The following BICDL1 variants were observed in gnomAD, a reference collection of about 807,000 sequenced individuals.
BICDL1 encodes BICD family-like cargo adapter 1.
In BICDL1, 20 loss-of-function variants were observed where a neutral mutation model predicts 76.8. The ratio of observed to expected loss-of-function variants is 0.26; its 90% CI spans 0.18 to 0.38. BICDL1 has a LOEUF of 0.38. Among genes scored for constraint, BICDL1 ranks in the 10% least tolerant of loss-of-function variants. BICDL1 has a pLI of 1.00. For synonymous variants in BICDL1, 383 were observed against 337.1 expected (o/e 1.14, Z -1.49); for missense variants, 700 against 798.6 (o/e 0.88, Z 1.49).
chr12:120,037,824 C>T (rs1339738659), intron 2 of BICDL1, among the ~76,000 whole-genome samples: 1 of 152,176 alleles, frequency 6.6e-6, no homozygotes, highest in Non-Finnish European at 1.5e-5. Context: ...TTAACAGACT[C>T]GTCCTTTGAC....
intron 2 of BICDL1, among the ~76,000 whole-genome samples, chr12:120,013,010 C>T (rs1469538136): frequency 1.3e-5 from 2 of 152,082 alleles, no homozygotes; most frequent in African/African-American, 2.4e-5. Context: ...CTTAATTTAT[C>T]TAAGTTATAA....
intron 2 of BICDL1, among the ~76,000 whole-genome samples, chr12:120,032,048 C>T (rs993683031): frequency 2.6e-5 from 4 of 152,320 alleles, no homozygotes; most frequent in Admixed American, 1.3e-4. Flanking sequence ...GCTATGATCA[C>T]ACTACTGCAC....
intron 3 of BICDL1, among the ~76,000 whole-genome samples, chr12:120,062,970 G>A (rs572520622): frequency 6.6e-6 from 1 of 152,296 alleles, no homozygotes; most frequent in South Asian, 2.1e-4. Context: ...AAGTTTCAGG[G>A]TGTATAGCGC....
chr12:120,054,977 A>C (rs946680943), intron 2 of BICDL1, among the ~76,000 whole-genome samples: 8 of 152,226 alleles, frequency 5.3e-5, no homozygotes, highest in Non-Finnish European at 1.2e-4. Context: ...ATATATGTAG[A>C]AAGATTGGGG....
Position 120,032,809 on chromosome 12 carries a change from C to T in BICDL1, c.646-28901C>T, listed in dbSNP as rs983603074. On this transcript the variant is annotated intron_variant, in intron 2 of 9. Transcript: ENST00000548673. ...GTCACCCAGGCTGGAGTCAGTGGCACGATCTTGGCTCACTGCAACTTCCGC... is the reference window on the plus strand; with the variant it reads ...GTCACCCAGGCTGGAGTCAGTGGCATGATCTTGGCTCACTGCAACTTCCGC... 5.6e-4 allele frequency among the ~76,000 whole-genome samples: 83 copies of T among 147,126 alleles called. 1 individual carries two copies. The highest frequency in any genetic ancestry group is 2.1e-4 in the Non-Finnish European group (14 of 67,510).
Position 120,089,965 on chromosome 12 carries a change from A to G in BICDL1, c.1598A>G (p.Glu533Gly), listed in dbSNP as rs756910660. Residue 533 changes from glutamate to glycine, a missense_variant, in exon 9 of 10, where the codon GAG becomes GGG. Physicochemically the swap from Glu to Gly is moderately conservative, Grantham distance 98. Transcript: ENST00000548673. The part of the protein sequence containing the change: ...DEAIAKKNAV[E>G]LELAKCRMDM... Reference sequence around the variant, plus strand: ...TCTGTTCTCAGGAAGAATGCTGTGGAGCTGGAACTTGCCAAGTGCAGGATG... The same window carrying G: ...TCTGTTCTCAGGAAGAATGCTGTGGGGCTGGAACTTGCCAAGTGCAGGATG... 6.2e-7 allele frequency: 1 copy of G among 1,614,108 alleles called. No homozygotes were observed. The highest frequency in any genetic ancestry group is 1.1e-5 in the South Asian group (1 of 91,084).
chr12:119,994,844 CAG>C, intron 1 of BICDL1, among the ~76,000 whole-genome samples: 1 of 152,278 alleles, frequency 6.6e-6, no homozygotes, highest in Non-Finnish European at 1.5e-5. Context: ...AAAGATAGTA[CAG>C]AGAGTTTGCA....
At chr12:120,035,335 CAATA>C (rs1157516375) in intron 2 of BICDL1, among the ~76,000 whole-genome samples, 5 of 152,100 alleles carry the variant, frequency 3.3e-5, no homozygotes, top group Non-Finnish European at 7.3e-5. Context: ...GACTCCATCT[CAATA>C]AATAAATAAA....
At chr12:120,001,270 A>G (rs1298134876) in intron 2 of BICDL1, among the ~76,000 whole-genome samples, 1 of 151,990 alleles carries the variant, frequency 6.6e-6, no homozygotes, top group East Asian at 1.9e-4. Context: ...TTTTTGAGAC[A>G]GAGTCTTGCT....
chr12:120,032,258 G>C (rs1208104849), intron 2 of BICDL1, among the ~76,000 whole-genome samples: 1 of 152,170 alleles, frequency 6.6e-6, no homozygotes, highest in Non-Finnish European at 1.5e-5. Flanking sequence ...GTGATGAATT[G>C]GGTAGCTTTG....
At chr12:120,059,760 G>A (rs1337518752) in intron 2 of BICDL1, among the ~76,000 whole-genome samples, 1 of 151,986 alleles carries the variant, frequency 6.6e-6, no homozygotes, top group Non-Finnish European at 1.5e-5. Context: ...CAAGGCTGTA[G>A]TGCAGTGGCA....
intron 2 of BICDL1, among the ~76,000 whole-genome samples, chr12:120,049,700 T>G (rs1340817369): frequency 6.6e-6 from 1 of 152,232 alleles, no homozygotes; most frequent in Non-Finnish European, 1.5e-5. Context: ...CTCTGTCCTT[T>G]CTGGAACTGC....
intron 2 of BICDL1, among the ~76,000 whole-genome samples, chr12:120,031,529 A>T (rs147662939): frequency 6.6e-6 from 1 of 152,178 alleles, no homozygotes; most frequent in African/African-American, 2.4e-5. Context: ...GTATTCATCA[A>T]TCACTTCATT....
intron 7 of BICDL1, among the ~76,000 whole-genome samples, chr12:120,075,990 C>G (rs1355187867): frequency 6.6e-6 from 1 of 152,230 alleles, no homozygotes; most frequent in Non-Finnish European, 1.5e-5. Flanking sequence ...GAAACCCCAT[C>G]TCTACTAAAA....
At chr12:119,994,256 C>G (rs965106384) in intron 1 of BICDL1, among the ~76,000 whole-genome samples, 1 of 152,094 alleles carries the variant, frequency 6.6e-6, no homozygotes, top group Admixed American at 6.6e-5. Flanking sequence ...AAAATGAATA[C>G]ATAATGGGAG....
intron 2 of BICDL1, among the ~76,000 whole-genome samples, chr12:120,040,977 C>T (rs1189310536): frequency 1.3e-5 from 2 of 152,094 alleles, no homozygotes; most frequent in South Asian, 2.1e-4. Flanking sequence ...AAACTCCTGA[C>T]CTCAAGTCAT....
intron 8 of BICDL1, among the ~76,000 whole-genome samples, chr12:120,084,640 G>A (rs1346881769): frequency 6.6e-6 from 1 of 152,118 alleles, no homozygotes; most frequent in African/African-American, 2.4e-5. Flanking sequence ...TGTAATCCCA[G>A]CACTATGAGA....
chr12:119,994,600 C>T (rs1476482661), intron 1 of BICDL1, among the ~76,000 whole-genome samples: 1 of 151,860 alleles, frequency 6.6e-6, no homozygotes, highest in Middle Eastern at 3.2e-3. Flanking sequence ...AACAATTCTC[C>T]TGCCTCAGCC....
In BICDL1 at chr12:120,093,041, G is replaced by A. The variant is rs757788673; in HGVS notation, c.1746G>A (p.Thr582=). ...HRVIDRQLMD[T]HLKERSQPAA... ...TCATTGACCGGCAGCTGATGGACAC[G>A]CACCTGAAAGAACGGAGCCAGCCGG... is the stretch of plus-strand genomic sequence containing the variant. The change falls in exon 10 of 10, where the codon ACG becomes ACA. Residue 582 remains threonine, a synonymous_variant. Coordinates refer to ENST00000548673, the MANE Select transcript of BICDL1 (RefSeq NM_001367886.1). 4 of 1,594,214 alleles carry A rather than the reference G, an allele frequency of 2.5e-6. No homozygotes were observed. Among genetic ancestry groups the A allele is most frequent in the East Asian group, 4.5e-5 (2 of 44,520 alleles).
Sources: allele counts gnomAD v4.1 joint callset (sites outside exome capture counted in the v4.1 genomes callset), GRCh38; gene constraint gnomAD v4.1.1; transcripts MANE v1.5; gene names NCBI Gene and HGNC (gene_info 2026-07-23, HGNC 2026-07-21).